Variants in COQ8B observed in about 807,000 individuals in gnomAD.
The protein encoded by COQ8B is coenzyme Q8B, also known as atypical kinase COQ8B, mitochondrial.
In COQ8B, 44 loss-of-function variants were observed where a neutral mutation model predicts 62.0. The observed-to-expected ratio is 0.71, with a 90% CI of 0.56 to 0.91. The LOEUF is 0.91. Ranked by LOEUF, COQ8B falls within the 40% of genes least tolerant of loss-of-function variation. COQ8B has a pLI of 0.00. For missense variants in COQ8B, 649 were observed against 731.6 expected, an observed-to-expected ratio of 0.89 and a Z score of 1.30; for synonymous variants, 252 against 289.9, an observed-to-expected ratio of 0.87 and a Z score of 1.33.
chr19:40,708,762 T>C (rs1012981477), intron 5 of COQ8B, among the ~76,000 whole-genome samples: 1 of 147,312 alleles, frequency 6.8e-6, no homozygotes, highest in African/African-American at 2.7e-5. Flanking sequence ...ACCTTCTCTC[T>C]ACAAAAAATA....
chr19:40,695,326 A>AAAAAAAAAAAAAAAAG (rs1555755672), intron 13 of COQ8B, among the ~76,000 whole-genome samples: 1 of 141,866 alleles, frequency 7.0e-6, no homozygotes, highest in Non-Finnish European at 1.5e-5. Context: ...TCAATTAAAA[A>AAAAAAAAAAAAAAAAG]AAAAAAAAAG....
At chr19:40,711,993 C>CA (rs1173667041) in intron 4 of COQ8B, among the ~76,000 whole-genome samples, 8 of 152,072 alleles carry the variant, frequency 5.3e-5, no homozygotes. Flanking sequence ...ACTGCCTCTG[C>CA]AGACTGTGAA....
intron 7 of COQ8B, 24 bp downstream of exon 7, chr19:40,705,072 C>A: frequency 1.3e-6 from 2 of 1,579,176 alleles, no homozygotes; most frequent in East Asian, 2.3e-5. Flanking sequence ...CCTCCCTCAC[C>A]GCCCTCCCCC....
At chr19:40,697,432 T>C (rs1158930319) in intron 12 of COQ8B, among the ~76,000 whole-genome samples, 1 of 152,128 alleles carries the variant, frequency 6.6e-6, no homozygotes, top group Non-Finnish European at 1.5e-5. Flanking sequence ...ATTTTTGTGC[T>C]CAATGAACAC....
At chr19:40,694,244 C>T (rs1313551848) in intron 13 of COQ8B, among the ~76,000 whole-genome samples, 1 of 152,188 alleles carries the variant, frequency 6.6e-6, no homozygotes, top group African/African-American at 2.4e-5. Context: ...CCATGGACTG[C>T]CAGCTGGGCA....
intron 5 of COQ8B, among the ~76,000 whole-genome samples, chr19:40,707,745 G>A (rs996473097): frequency 6.6e-6 from 1 of 152,162 alleles, no homozygotes; most frequent in African/African-American, 2.4e-5. Flanking sequence ...GTGAGCCACC[G>A]CAACCGGCCT....
intron 12 of COQ8B, among the ~76,000 whole-genome samples, chr19:40,699,784 T>C (rs773790342): frequency 2.6e-5 from 4 of 152,162 alleles, no homozygotes; most frequent in Non-Finnish European, 5.9e-5. Context: ...GAGCTTAGTG[T>C]ATTTAGCCTG....
At chr19:40,715,139 C>G in intron 1 of COQ8B, 1 of 986,480 alleles carries the variant, frequency 1.0e-6, no homozygotes, top group Non-Finnish European at 1.2e-6. Context: ...CTTCGGCCAG[C>G]CAACCAATGG....
rs1230599741 is a variant in COQ8B, at chr19:40,705,371, T to C, written c.444A>G (p.Thr148=). 2.5e-6 allele frequency: 4 copies of C among 1,600,320 alleles called. No individual in the cohort carries two copies. Among genetic ancestry groups the C allele is most frequent in the Non-Finnish European group, 3.4e-6 (4 of 1,168,972 alleles). ...NAERIVQTLC[T]VRGAALKVGQ... ...CAACCTTGAGGGCGGCCCCTCGAAC[T>C]GTACATAAGGTCTGCACAATCCGCT... The change falls in exon 6 of 15, where the codon ACA becomes ACG. Residue 148 remains threonine, a synonymous_variant. Coordinates refer to ENST00000324464, the MANE Select transcript of COQ8B (RefSeq NM_024876.4).
chr19:40,715,502 CCCTTG>C, intron 1 of COQ8B: 2 of 985,524 alleles, frequency 2.0e-6, no homozygotes, highest in Non-Finnish European at 2.4e-6. Flanking sequence ...GCAAACATTT[CCCTTG>C]CACATGGAGC....
intron 7 of COQ8B, 172 bp from the exon 8 acceptor site, chr19:40,704,027 G>A: frequency 1.3e-6 from 1 of 798,634 alleles, no homozygotes; most frequent in Non-Finnish European, 1.9e-6. Flanking sequence ...GCTCCCTTGT[G>A]CAAGTGACTA....
intron 12 of COQ8B, among the ~76,000 whole-genome samples, chr19:40,697,061 A>AT (rs368115549): frequency 1.5e-3 from 217 of 149,502 alleles, no homozygotes; most frequent in African/African-American, 4.9e-3. Context: ...GTTGTTTCTG[A>AT]TTTTTTTTCC....
chr19:40,699,402 TC>T (rs2082044079), intron 12 of COQ8B, among the ~76,000 whole-genome samples: 2 of 144,058 alleles, frequency 1.4e-5, no homozygotes, highest in Non-Finnish European at 3.0e-5. Context: ...GCCTCCCCCA[TC>T]CCGGTCCTGA....
rs529441220 is a variant in COQ8B, at chr19:40,716,766, G to C, written c.-183C>G. 6.4e-6 allele frequency: 1 copy of C among 156,018 alleles called. No individual in the cohort carries two copies. Among genetic ancestry groups the C allele is most frequent in the Admixed American group, 6.5e-5 (1 of 15,382 alleles). The allele number at this position is 156,018 out of a possible 1,614,324, so 9.7% of individuals were successfully genotyped here. A position where few individuals can be genotyped will look rare whatever the true frequency, so the allele number is the denominator to read the frequency against. ...GGGGGTTTTAGGGAAGGTTGAACTT[G>C]TCATTCAACCGTGTAGGGAGGGTGG... On this transcript the variant is annotated 5_prime_UTR_variant, in exon 1 of 15. Coordinates refer to ENST00000324464, the MANE Select transcript of COQ8B (RefSeq NM_024876.4).
Position 40,714,836 on chromosome 19 carries a change from T to C in COQ8B, c.-3-201A>G, listed in dbSNP as rs1160844219. The C allele has an allele frequency of 4.5e-6, 6 of 1,337,154 alleles. No homozygotes were observed. In the African/African-American group the frequency reaches 4.6e-5, roughly 10 times the overall value. 82.8% of individuals were successfully genotyped at this position (1,337,154 alleles called of 1,614,324 possible). On this transcript the variant is annotated intron_variant, in intron 1 of 14. Coordinates refer to ENST00000324464, the MANE Select transcript of COQ8B (RefSeq NM_024876.4). ...TTCCTGCAGGCCTCCCAAAACCCAC[T>C]TTCCCCCCTCTCCCAACCCTCGCCG... is the stretch of plus-strand genomic sequence containing the variant.
At chr19:40,709,430 G>A (rs75018950) in intron 5 of COQ8B, among the ~76,000 whole-genome samples, 2,344 of 152,182 alleles carry the variant, frequency 0.015, 71 homozygotes, top group African/African-American at 0.054. Context: ...TTTTTATAAC[G>A]GCAAATGCTA....
At chr19:40,700,028 A>T in intron 12 of COQ8B, 39 bp downstream of exon 12, 1 of 1,568,674 alleles carries the variant, frequency 6.4e-7, no homozygotes, top group Non-Finnish European at 8.8e-7. Flanking sequence ...ATTTGTTACA[A>T]CAGCAAATGT....
At position 40,700,425 on chromosome 19, in the gene COQ8B, A is replaced by T; in HGVS notation, c.920T>A (p.Phe307Tyr). The change falls in exon 11 of 15, where the codon TTC becomes TAC. Residue 307 changes from phenylalanine (F) to tyrosine (Y), a missense_variant. Physicochemically the swap from Phe to Tyr is conservative, Grantham distance 22 (BLOSUM62 3). Coordinates refer to ENST00000324464, the MANE Select transcript of COQ8B (RefSeq NM_024876.4). The part of the protein sequence containing the change: ...FRQLLANDPF[F>Y]RVPAVVKELC... ...CTCCTTAACCACGGCTGGGACCCGG[A>T]AGAAGGGGTCATTTGCCAGCAGCTG... The T allele has an allele frequency of 6.2e-7, 1 of 1,613,850 alleles. No individual in the cohort carries two copies.
rs1599921077 is a variant in COQ8B at position 40,691,574 on chromosome 19, C to T, written c.*461G>A. On this transcript the variant is annotated 3_prime_UTR_variant, in exon 15 of 15. Transcript: ENST00000324464. Reference sequence around the variant, plus strand: ...ATTCCGATTGAAGATTCAGCTCCCCCCCACCCCGCACCCCTACCTCTCCAA... The same window carrying T: ...ATTCCGATTGAAGATTCAGCTCCCCTCCACCCCGCACCCCTACCTCTCCAA... 6.5e-6 allele frequency: 1 copy of T among 154,510 alleles called. No individual in the cohort carries two copies. Among genetic ancestry groups the T allele is most frequent in the South Asian group, 2.1e-4 (1 of 4,870 alleles). The allele number at this position is 154,510 out of a possible 1,614,324, so 9.6% of individuals were successfully genotyped here.
Sources: gnomAD v4.1 joint callset for allele counts (sites outside exome capture counted in the v4.1 genomes callset) on GRCh38, gnomAD v4.1.1 for gene constraint, MANE v1.5 for transcripts, NCBI Gene and HGNC (gene_info 2026-07-23, HGNC 2026-07-21) for gene names.